Variants in DPF3 observed in about 807,000 individuals in gnomAD.
DPF3 encodes the protein zinc finger protein DPF3.
DPF3 carries 18 observed loss-of-function variants against 56.8 expected under a neutral mutation model. That is an observed-to-expected ratio of 0.32 (90% CI 0.22 to 0.47). The LOEUF (loss-of-function observed/expected upper bound fraction) is 0.47. Ranked by LOEUF, DPF3 falls within the 20% of genes least tolerant of loss-of-function variation. DPF3 has a pLI of 1.00. For synonymous variants in DPF3, 188 were observed against 180.2 expected, an observed-to-expected ratio of 1.04 and a Z score of -0.35; for missense variants, 403 against 488.8, an observed-to-expected ratio of 0.82 and a Z score of 1.65.
intron 7 of DPF3, among the ~76,000 whole-genome samples, chr14:72,682,075 G>A (rs1324566754): frequency 1.3e-5 from 2 of 152,118 alleles, no homozygotes; most frequent in Non-Finnish European, 2.9e-5. Context: ...TTAGCCAGGT[G>A]TGGTGGCACA....
chr14:72,766,456 G>C (rs1245375298), intron 2 of DPF3, among the ~76,000 whole-genome samples: 1 of 152,070 alleles, frequency 6.6e-6, no homozygotes, highest in African/African-American at 2.4e-5. Flanking sequence ...TATCTAGCTA[G>C]CTAGCTATTT....
At chr14:72,687,377 T>C (rs1391572005) in intron 7 of DPF3, among the ~76,000 whole-genome samples, 2 of 152,220 alleles carry the variant, frequency 1.3e-5, no homozygotes, top group South Asian at 2.1e-4. Flanking sequence ...TATTTACTTA[T>C]GCTATTAAAT....
rs184254676 is a variant in DPF3 at position 72,764,125 on chromosome 14, C to T, written c.193+7608G>A. Among the ~76,000 whole-genome samples, 195 of 152,208 alleles carry T rather than the reference C, an allele frequency of 1.3e-3. 1 individual carries two copies. The highest frequency in any genetic ancestry group is 4.5e-3 in the African/African-American group (188 of 41,518). On this transcript the variant is annotated intron_variant, in intron 2 of 10. Coordinates refer to ENST00000556509, the MANE Select transcript of DPF3 (RefSeq NM_001280542.3). ...CCTCTGGATAAGGGATTATAAACAG[C>T]GGAGCCAACCACAAGATTAGCAGGC...
At position 72,612,993 on chromosome 14, in the gene DPF3, CGTGTGTGTGTGTGTGTGTGT is replaced by C. The variant is rs59321921; in HGVS notation, c.*6284_*6303del. The stretch of plus-strand genomic sequence containing the variant: ...TTTCCCTTTGGTTCATTAAGTAGGG[CGTGTGTGTGTGTGTGTGTGT>C]GTGTGTGTGTGTGTGTGTATGTGCG... On this transcript the variant is annotated 3_prime_UTR_variant, in exon 11 of 11. Transcript: ENST00000556509. Among the ~76,000 whole-genome samples, 1 of 148,852 alleles carries C rather than the reference CGTGTGTGTGTGTGTGTGTGT, an allele frequency of 6.7e-6. No homozygotes were observed. Among genetic ancestry groups the C allele is most frequent in the Non-Finnish European group, 1.5e-5 (1 of 67,238 alleles).
At chr14:72,783,305 C>T (rs574139482) in intron 1 of DPF3, among the ~76,000 whole-genome samples, 5 of 152,248 alleles carry the variant, frequency 3.3e-5, no homozygotes, top group South Asian at 2.1e-4. Flanking sequence ...GCAAGTGCCA[C>T]GAGAGCAGCG....
intron 1 of DPF3, among the ~76,000 whole-genome samples, chr14:72,799,388 GCCA>G (rs1488855257): frequency 6.6e-6 from 1 of 152,160 alleles, no homozygotes. Context: ...GTTCTAGCCA[GCCA>G]TGGTGACTCA....
chr14:72,652,179 C>T (rs1380463864), intron 8 of DPF3, among the ~76,000 whole-genome samples: 1 of 152,196 alleles, frequency 6.6e-6, no homozygotes, highest in African/African-American at 2.4e-5. Flanking sequence ...CTTTCTCTCG[C>T]AATAAAAGCC....
chr14:72,753,193 T>C, intron 3 of DPF3, 71 bp downstream of exon 3: 1 of 1,461,082 alleles, frequency 6.8e-7, no homozygotes, highest in Non-Finnish European at 9.4e-7. Context: ...CAAACCAACC[T>C]TGTCCTGGGC....
chr14:72,762,552 A>T (rs1010443607), intron 2 of DPF3, among the ~76,000 whole-genome samples: 9 of 150,698 alleles, frequency 6.0e-5, no homozygotes, highest in Admixed American at 2.0e-4. Context: ...TTGTGATTTA[A>T]AAAAAAAAAC....
At chr14:72,675,669 G>A (rs534825268) in intron 7 of DPF3, 10 of 152,170 alleles carry the variant, frequency 6.6e-5, no homozygotes, top group East Asian at 3.8e-4. Context: ...TGGGGAAGGC[G>A]GAAGACAAAA....
At chr14:72,742,809 C>G (rs1890180263) in intron 3 of DPF3, 1 of 152,402 alleles carries the variant, frequency 6.6e-6, no homozygotes, top group Non-Finnish European at 1.5e-5. Flanking sequence ...AGCCTGCTCC[C>G]ATCTGTAGAG....
chr14:72,755,604 T>A (rs760284764), intron 2 of DPF3, among the ~76,000 whole-genome samples: 2 of 152,186 alleles, frequency 1.3e-5, no homozygotes, highest in South Asian at 2.1e-4. Flanking sequence ...AAGCTCTCTA[T>A]ATCCACAAAG....
intron 7 of DPF3, among the ~76,000 whole-genome samples, chr14:72,691,453 G>C (rs1162670350): frequency 6.6e-6 from 1 of 152,208 alleles, no homozygotes; most frequent in Non-Finnish European, 1.5e-5. Context: ...AATGGGCTGG[G>C]CGTGGTGGCT....
intron 4 of DPF3, among the ~76,000 whole-genome samples, chr14:72,724,925 C>T (rs1412666389): frequency 6.6e-6 from 1 of 151,964 alleles, no homozygotes; most frequent in Non-Finnish European, 1.5e-5. Context: ...GGGCTGACCT[C>T]GAACACCTGG....
intron 1 of DPF3, among the ~76,000 whole-genome samples, chr14:72,867,685 T>C (rs1885730702): frequency 6.6e-6 from 1 of 152,216 alleles, no homozygotes; most frequent in Non-Finnish European, 1.5e-5. Context: ...GGGGGTTCTT[T>C]ATACTATTCT....
At chr14:72,661,432 C>A (rs2240344) in intron 8 of DPF3, 2 of 985,038 alleles carry the variant, frequency 2.0e-6, no homozygotes, top group African/African-American at 1.8e-5. Context: ...AATACCCAGC[C>A]TTAGACTATT....
intron 10 of DPF3, 120 bp from the exon 11 acceptor site, chr14:72,619,487 TC>T: frequency 8.7e-7 from 1 of 1,151,052 alleles, no homozygotes; most frequent in Non-Finnish European, 1.2e-6. Context: ...AGAAACCAAG[TC>T]CCAGGCCTGA....
chr14:72,836,171 T>A, intron 1 of DPF3: 1 of 986,046 alleles, frequency 1.0e-6, no homozygotes. Context: ...TCAGAAGGGG[T>A]TGGAGCCTCT....
chr14:72,688,152 T>TGATGGATGGACGGATGGATG (rs1887494779), intron 7 of DPF3, among the ~76,000 whole-genome samples: 1 of 104,448 alleles, frequency 9.6e-6, no homozygotes, highest in Non-Finnish European at 1.9e-5. Flanking sequence ...ATGAGATGGA[T>TGATGGATGGACGGATGGATG]GATGGATGGA....
Sources: allele counts gnomAD v4.1 joint callset (sites outside exome capture counted in the v4.1 genomes callset), GRCh38; gene constraint gnomAD v4.1.1; transcripts MANE v1.5; gene names NCBI Gene and HGNC (gene_info 2026-07-23, HGNC 2026-07-21).